Variants in HDAC9 observed in about 807,000 individuals in gnomAD.
HDAC9 encodes histone deacetylase 9, also known as MEF-2 interacting transcription repressor (MITR) protein.
HDAC9 carries 41 observed loss-of-function variants against 139.4 expected under a neutral mutation model. The ratio of observed to expected loss-of-function variants is 0.29; its 90% CI spans 0.23 to 0.38. The LOEUF is 0.38. HDAC9 is among the 10% of genes least tolerant of loss of function. HDAC9 has a pLI of 1.00. For synonymous variants in HDAC9, 517 were observed against 476.2 expected (o/e 1.09, Z -1.12); for missense variants, 1,147 against 1,297.0 (o/e 0.88, Z 1.78).
intron 17 of HDAC9, among the ~76,000 whole-genome samples, chr7:18,819,125 C>G (rs944410919): frequency 1.3e-5 from 2 of 152,042 alleles, no homozygotes; most frequent in African/African-American, 4.8e-5. Flanking sequence ...ACTAAAAATA[C>G]AAAAATTAGA....
chr7:18,345,751 G>C (rs1353676326), intron 1 of HDAC9, among the ~76,000 whole-genome samples: 1 of 151,892 alleles, frequency 6.6e-6, no homozygotes, highest in African/African-American at 2.4e-5. Flanking sequence ...ATTTGACTGG[G>C]TGACTGATTC....
chr7:18,125,143 C>T (rs1221949500), intron 1 of HDAC9, among the ~76,000 whole-genome samples: 1 of 152,028 alleles, frequency 6.6e-6, no homozygotes, highest in Admixed American at 6.6e-5. Context: ...TGACTCGTGG[C>T]TGAGAACAGC....
At chr7:18,904,553 C>A (rs76764717) in intron 22 of HDAC9, among the ~76,000 whole-genome samples, 6,014 of 148,748 alleles carry the variant, frequency 0.04, 186 homozygotes, top group Non-Finnish European at 0.063. Flanking sequence ...TAATGGGGAA[C>A]CCTCTACCCT....
intron 1 of HDAC9, among the ~76,000 whole-genome samples, chr7:18,139,823 G>A (rs549020113): frequency 9.9e-5 from 15 of 152,124 alleles, no homozygotes; most frequent in African/African-American, 1.4e-4. Flanking sequence ...AAGGCAATGC[G>A]ATCATGAAAG....
At chr7:18,539,387 A>T (rs1047830296) in intron 2 of HDAC9, among the ~76,000 whole-genome samples, 7 of 152,226 alleles carry the variant, frequency 4.6e-5, no homozygotes, top group Non-Finnish European at 4.4e-5. Context: ...ACAAGGAAAG[A>T]TGGGAAACTG....
chr7:18,516,402 A>G (rs756573736), intron 2 of HDAC9, among the ~76,000 whole-genome samples: 4 of 152,210 alleles, frequency 2.6e-5, no homozygotes, highest in African/African-American at 4.8e-5. Context: ...TGGTGTTTTT[A>G]GAGTTGTGAT....
At chr7:18,947,514 G>C (rs961562264) in intron 23 of HDAC9, among the ~76,000 whole-genome samples, 2 of 151,742 alleles carry the variant, frequency 1.3e-5, no homozygotes, top group African/African-American at 4.8e-5. Flanking sequence ...TATATTAAAT[G>C]GAAAAATTAT....
upstream of HDAC9, among the ~76,000 whole-genome samples, chr7:18,492,710 A>G (rs543576685): frequency 3.8e-3 from 580 of 152,022 alleles, 8 homozygotes; most frequent in African/African-American, 0.013. Context: ...TTTCCCCCAC[A>G]TTAGTAAACT....
intron 2 of HDAC9, among the ~76,000 whole-genome samples, chr7:18,498,187 A>G (rs907045961): frequency 6.6e-6 from 1 of 152,152 alleles, no homozygotes; most frequent in Non-Finnish European, 1.5e-5. Flanking sequence ...GTGAAGCATA[A>G]AAACAATTAC....
chr7:18,927,065 A>G (rs142963841), intron 22 of HDAC9, among the ~76,000 whole-genome samples: 377 of 152,332 alleles, frequency 2.5e-3, no homozygotes, highest in Middle Eastern at 0.014. Flanking sequence ...AATCTTCAGA[A>G]TATGTTCATA....
chr7:18,469,288 T>C (rs137871361), intron 1 of HDAC9, among the ~76,000 whole-genome samples: 78 of 152,312 alleles, frequency 5.1e-4, no homozygotes, highest in African/African-American at 1.7e-3. Flanking sequence ...ACTTTCCCTT[T>C]GGGAAAGAAA....
At chr7:18,186,205 C>T (rs1789900915) in intron 2 of HDAC9, among the ~76,000 whole-genome samples, 1 of 152,192 alleles carries the variant, frequency 6.6e-6, no homozygotes, top group Admixed American at 6.5e-5. Flanking sequence ...ACACGGTAGC[C>T]ACTGGTAACA....
intron 2 of HDAC9, among the ~76,000 whole-genome samples, chr7:18,210,955 TG>T (rs895576100): frequency 2.0e-5 from 3 of 152,172 alleles, no homozygotes; most frequent in African/African-American, 4.8e-5. Context: ...AGGACATTTT[TG>T]TACAGGACGG....
intron 16 of HDAC9, among the ~76,000 whole-genome samples, chr7:18,779,537 T>C (rs2129169979): frequency 6.6e-6 from 1 of 152,118 alleles, no homozygotes; most frequent in Admixed American, 6.6e-5. Context: ...CTGCTCGGAA[T>C]AGTTTTATTT....
chr7:18,635,202 T>C (rs1346600509), intron 8 of HDAC9, among the ~76,000 whole-genome samples: 1 of 151,780 alleles, frequency 6.6e-6, no homozygotes, highest in East Asian at 2.0e-4. Context: ...CATCAGTAAG[T>C]AAAAACAACT....
At chr7:18,354,239 T>C (rs955219158) in intron 1 of HDAC9, among the ~76,000 whole-genome samples, 4 of 152,198 alleles carry the variant, frequency 2.6e-5, no homozygotes, top group Non-Finnish European at 5.9e-5. Context: ...ATATGGTCTC[T>C]AGTTACTTTT....
intron 12 of HDAC9, among the ~76,000 whole-genome samples, chr7:18,679,307 TACAG>T (rs1399048362): frequency 6.6e-6 from 1 of 151,962 alleles, no homozygotes; most frequent in East Asian, 1.9e-4. Context: ...CCTATACATA[TACAG>T]ACAAACACAG....
intron 2 of HDAC9, among the ~76,000 whole-genome samples, chr7:18,236,047 C>T (rs1793791945): frequency 6.6e-6 from 1 of 152,158 alleles, no homozygotes; most frequent in Non-Finnish European, 1.5e-5. Flanking sequence ...TCCACCCTCA[C>T]TGGAGTTGTT....
intron 1 of HDAC9, among the ~76,000 whole-genome samples, chr7:18,481,962 T>C (rs1420005601): frequency 6.6e-6 from 1 of 152,162 alleles, no homozygotes; most frequent in African/African-American, 2.4e-5. Flanking sequence ...GTGTCTGTAA[T>C]GGCCTGTGGG....
Sources: allele counts gnomAD v4.1 joint callset (sites outside exome capture counted in the v4.1 genomes callset), GRCh38; gene constraint gnomAD v4.1.1; transcripts MANE v1.5; gene names NCBI Gene and HGNC (gene_info 2026-07-23, HGNC 2026-07-21).